The following RBM19 variants were observed in gnomAD, a reference collection of about 807,000 sequenced individuals.
RBM19 encodes RNA binding motif protein 19, also known as probable RNA-binding protein 19.
Under a neutral mutation model 116.8 loss-of-function variants are expected in RBM19, and 94 were observed. That is an observed-to-expected ratio of 0.80 (90% CI 0.68 to 0.95). The LOEUF (loss-of-function observed/expected upper bound fraction) is 0.95, where lower values mean the gene tolerates loss of function less well. RBM19 is among the 40% of genes least tolerant of loss of function. The pLI is 0.00. For synonymous variants in RBM19, 475 were observed against 494.1 expected, an observed-to-expected ratio of 0.96 and a Z score of 0.51; for missense variants, 1,161 against 1,220.7, an observed-to-expected ratio of 0.95 and a Z score of 0.73.
intron 21 of RBM19, among the ~76,000 whole-genome samples, chr12:113,900,190 C>T (rs918580743): frequency 2.0e-5 from 3 of 152,178 alleles, no homozygotes; most frequent in African/African-American, 7.2e-5. Flanking sequence ...GCAAGAAAAC[C>T]CTTCTCAGTG....
chr12:113,927,594 A>AAC (rs3066400), intron 16 of RBM19, among the ~76,000 whole-genome samples: 10,350 of 105,134 alleles, frequency 0.098, 773 homozygotes, highest in East Asian at 0.52. Flanking sequence ...CAAAAAACAA[A>AAC]AAAAAAAAAA....
At chr12:113,946,153 A>G (rs1252635409) in intron 12 of RBM19, among the ~76,000 whole-genome samples, 1 of 152,174 alleles carries the variant, frequency 6.6e-6, no homozygotes, top group Non-Finnish European at 1.5e-5. Flanking sequence ...CTTCACATAC[A>G]TTCACTCATT....
chr12:113,865,368 G>A (rs1295068002), intron 21 of RBM19, among the ~76,000 whole-genome samples: 2 of 152,106 alleles, frequency 1.3e-5, no homozygotes, highest in Admixed American at 6.6e-5. Flanking sequence ...CCTATCTAAC[G>A]TTGCCTCCTT....
chr12:113,959,153 T>G, intron 5 of RBM19, 59 bp downstream of exon 5: 1 of 1,552,036 alleles, frequency 6.4e-7, no homozygotes, highest in South Asian at 1.2e-5. Flanking sequence ...CCAGTGCCGG[T>G]TAGCCCAATG....
chr12:113,837,041 C>A (rs1394774113), intron 23 of RBM19, among the ~76,000 whole-genome samples: 1 of 133,548 alleles, frequency 7.5e-6, no homozygotes. Flanking sequence ...ACGTCCCAAG[C>A]AATGCTTATG....
intron 19 of RBM19, among the ~76,000 whole-genome samples, 176 bp from the exon 20 acceptor site, chr12:113,918,623 G>A (rs1373173000): frequency 2.0e-5 from 3 of 152,218 alleles, no homozygotes; most frequent in Non-Finnish European, 4.4e-5. Flanking sequence ...GGCTCACACC[G>A]TGCCCAGGCA....
At chr12:113,933,120 C>T (rs1006191947) in intron 16 of RBM19, among the ~76,000 whole-genome samples, 10 of 151,876 alleles carry the variant, frequency 6.6e-5, no homozygotes, top group East Asian at 5.8e-4. Context: ...AGATAAAACA[C>T]GCTGTCCCCC....
Position 113,825,118 on chromosome 12 carries a change from G to A in RBM19, c.2786-1797C>T, listed in dbSNP as rs1175769694. 2.0e-5 allele frequency among the ~76,000 whole-genome samples: 3 copies of A among 152,222 alleles called. No individual in the cohort carries two copies. The highest frequency in any genetic ancestry group is 7.2e-5 in the African/African-American group (3 of 41,454). On this transcript the variant is annotated intron_variant, in intron 23 of 23. Coordinates refer to ENST00000261741, the MANE Select transcript of RBM19 (RefSeq NM_016196.4). This position sits in a 1 kb window ranked among gnomAD's most constrained non-coding sequence, Gnocchi z 5.7. ...TGTCTCACTCACTGCTGTGTCCCTG[G>A]CCTTAGCACACTGCCTGGTGCCTAG...
At chr12:113,944,051 T>C (rs1350929302) in intron 13 of RBM19, among the ~76,000 whole-genome samples, 2 of 148,198 alleles carry the variant, frequency 1.3e-5, no homozygotes, top group Admixed American at 1.3e-4. Flanking sequence ...CATTCCCAGG[T>C]TTGCCTGGGA....
rs1481888148 is a variant in RBM19, at chr12:113,914,927, CG to C, written c.2558+41del. 4 of 1,547,202 alleles carry C rather than the reference CG, an allele frequency of 2.6e-6. No individual in the cohort carries two copies. The African/African-American group carries it at 5.4e-5, about 21-fold the overall frequency. ...TTCCCTGAGACTCGGGCAGGCTCCC[CG>C]CCCACACGCCAGTCCCCTGGACTAA... On this transcript the variant is annotated intron_variant, in intron 21 of 23. Transcript: ENST00000261741.
chr12:113,880,605 G>A (rs1341398578), intron 21 of RBM19, among the ~76,000 whole-genome samples: 3 of 152,058 alleles, frequency 2.0e-5, no homozygotes, highest in Non-Finnish European at 4.4e-5. Context: ...CTCAGGGCTG[G>A]GGCACCTGAC....
intron 21 of RBM19, among the ~76,000 whole-genome samples, chr12:113,884,766 C>T (rs769018786): frequency 9.9e-5 from 15 of 151,088 alleles, no homozygotes; most frequent in African/African-American, 1.9e-4. Context: ...ACTTAAGGGT[C>T]GAAAAAAAAA....
chr12:113,856,255 G>A (rs768613295), intron 22 of RBM19, among the ~76,000 whole-genome samples: 4 of 152,236 alleles, frequency 2.6e-5, no homozygotes, highest in Non-Finnish European at 4.4e-5. Flanking sequence ...AGAGGGCTGT[G>A]CTGGGCTTCA....
intron 16 of RBM19, chr12:113,932,701 A>G (rs1016425309): frequency 7.2e-5 from 11 of 152,296 alleles, no homozygotes; most frequent in African/African-American, 2.7e-4. Context: ...GTTGGGAGAC[A>G]AAAGAAAGAT....
chr12:113,821,735 C>T (rs920291622), downstream of RBM19, among the ~76,000 whole-genome samples: 2 of 152,114 alleles, frequency 1.3e-5, no homozygotes, highest in Non-Finnish European at 1.5e-5. Context: ...GCCACTGCAC[C>T]CTGTCTCTAA....
intron 14 of RBM19, among the ~76,000 whole-genome samples, chr12:113,941,566 C>CT (rs1870572347): frequency 6.8e-6 from 1 of 147,534 alleles, no homozygotes; most frequent in African/African-American, 2.6e-5. Flanking sequence ...TCCATCCATG[C>CT]ATCATCTGTA....
rs757641377 is a variant in RBM19 at position 113,928,624 on chromosome 12, G to GGTGTGTGT, written c.2069-1396_2069-1395insACACACAC. 4.5e-3 allele frequency among the ~76,000 whole-genome samples: 243 copies of GGTGTGTGT among 54,304 alleles called. 4 individuals are homozygous for GGTGTGTGT. The highest frequency in any genetic ancestry group is 0.017 in the African/African-American group (229 of 13,286). 35.6% of individuals were successfully genotyped at this position (54,304 alleles called of 152,430 possible). On this transcript the variant is annotated intron_variant, in intron 16 of 23. Coordinates refer to ENST00000261741, the MANE Select transcript of RBM19 (RefSeq NM_016196.4). The stretch of plus-strand genomic sequence containing the variant: ...GATGTGAAGTTGTGAGTTAGCAAGG[G>GGTGTGTGT]ATGTGTGTGTGTGTGTGTGTGTGTG...
intron 6 of RBM19, 146 bp from the exon 7 acceptor site, chr12:113,955,357 G>A (rs1376572041): frequency 1.7e-5 from 13 of 765,334 alleles, no homozygotes; most frequent in Admixed American, 1.1e-4. Flanking sequence ...AATGTCCACC[G>A]TGTATGGAGT....
chr12:113,936,585 C>T (rs1408164284), intron 16 of RBM19, among the ~76,000 whole-genome samples: 3 of 152,226 alleles, frequency 2.0e-5, no homozygotes, highest in Non-Finnish European at 2.9e-5. Flanking sequence ...CCCCCAGGGG[C>T]CACGGCTTCC....
Sources: allele counts gnomAD v4.1 joint callset (sites outside exome capture counted in the v4.1 genomes callset), GRCh38; gene constraint gnomAD v4.1.1; non-coding constraint Gnocchi (gnomAD v3.1); transcripts MANE v1.5; gene names NCBI Gene and HGNC (gene_info 2026-07-23, HGNC 2026-07-21).